Variants in FILIP1L observed in about 807,000 individuals in gnomAD.
The protein encoded by FILIP1L is filamin A interacting protein 1 like, also known as filamin A-interacting protein 1-like.
In FILIP1L, 55 loss-of-function variants were observed where a neutral mutation model predicts 96.6. That is an observed-to-expected ratio of 0.57 (90% CI 0.46 to 0.71). The LOEUF (loss-of-function observed/expected upper bound fraction) is 0.71. FILIP1L is among the 30% of genes least tolerant of loss of function. FILIP1L has a pLI of 0.00. For missense variants in FILIP1L, 1,304 were observed against 1,321.2 expected (o/e 0.99, Z 0.20); for synonymous variants, 467 against 473.9 (o/e 0.99, Z 0.19).
At position 100,070,868 on chromosome 3, in the gene FILIP1L, C is replaced by T. The variant is rs372369155; in HGVS notation, c.-11+43185G>A. ...ATATTCACGAACTCCTGACTTCAGG[C>T]GATCTGCCTGCCTTGACCTCCCAAA... On this transcript the variant is annotated intron_variant, in intron 1 of 5. Coordinates refer to ENST00000477258, the MANE Select transcript of FILIP1L (RefSeq NM_001387850.1). Among the ~76,000 whole-genome samples the T allele has an allele frequency of 3.3e-5, 5 of 152,230 alleles. No homozygotes were observed. The East Asian group carries it at 7.7e-4, about 24-fold the overall frequency.
At chr3:99,912,575 G>T (rs892636439) in intron 4 of FILIP1L, among the ~76,000 whole-genome samples, 9 of 152,082 alleles carry the variant, frequency 5.9e-5, no homozygotes, top group Non-Finnish European at 1.3e-4. Context: ...ATGAAGTTTT[G>T]CCATGTTGCC....
intron 4 of FILIP1L, among the ~76,000 whole-genome samples, chr3:99,862,787 A>G (rs886760707): frequency 2.0e-5 from 3 of 152,060 alleles, no homozygotes; most frequent in African/African-American, 7.2e-5. Flanking sequence ...CTGCTACTCA[A>G]ATGTATTTGG....
rs149566268 is a variant in FILIP1L at position 100,020,078 on chromosome 3, T to C, written c.-10-89048A>G. On this transcript the variant is annotated intron_variant, in intron 1 of 5. Transcript: ENST00000477258. ...TCTTGTTCCCTGGAAAGCCTTACTA[T>C]AATCCAGAACTTTGCTAGCATATCA... Among the ~76,000 whole-genome samples the C allele has an allele frequency of 7.3e-3, 1,119 of 152,306 alleles. 19 individuals are homozygous for C. Among genetic ancestry groups the C allele is most frequent in the African/African-American group, 0.025 (1,029 of 41,572 alleles).
chr3:100,095,112 CAGTACAT>C (rs1313656592), intron 1 of FILIP1L, among the ~76,000 whole-genome samples: 4 of 152,118 alleles, frequency 2.6e-5, no homozygotes, highest in African/African-American at 9.7e-5. Flanking sequence ...ATCCCTTTAC[CAGTACAT>C]ACAGTCTTGA....
At chr3:99,880,035 A>G (rs1258157690) in intron 4 of FILIP1L, among the ~76,000 whole-genome samples, 1 of 152,106 alleles carries the variant, frequency 6.6e-6, no homozygotes, top group Admixed American at 6.5e-5. Context: ...TGAGCACTGG[A>G]TAACCTTGCC....
intron 1 of FILIP1L, among the ~76,000 whole-genome samples, chr3:100,018,522 A>G (rs1006419711): frequency 1.3e-5 from 2 of 152,114 alleles, no homozygotes; most frequent in African/African-American, 4.8e-5. Flanking sequence ...ATGAAATTTG[A>G]CCTTTATCTC....
rs2107482618 is a variant in FILIP1L, at chr3:99,830,109, T to A, written c.*305A>T. On this transcript the variant is annotated 3_prime_UTR_variant, in exon 6 of 6. Transcript: ENST00000477258. ...TCACCAGAAAACTCTTGAACTGTTC[T>A]AGTGAATTCAGTCCTATCCCAGGCT... is the stretch of plus-strand genomic sequence containing the variant. The A allele has an allele frequency of 5.7e-6, 1 of 174,618 alleles. No homozygotes were observed. Among genetic ancestry groups the A allele is most frequent in the East Asian group, 1.4e-4 (1 of 6,906 alleles). The allele number at this position is 174,618 out of a possible 1,614,324, so 10.8% of individuals were successfully genotyped here.
intron 1 of FILIP1L, among the ~76,000 whole-genome samples, chr3:99,969,950 A>G (rs1405240966): frequency 2.6e-5 from 4 of 152,250 alleles, no homozygotes; most frequent in African/African-American, 9.6e-5. Context: ...GGATAATATG[A>G]AATTCAACAA....
At chr3:99,900,608 A>G (rs2107625972) in intron 4 of FILIP1L, among the ~76,000 whole-genome samples, 1 of 152,346 alleles carries the variant, frequency 6.6e-6, no homozygotes, top group South Asian at 2.1e-4. Context: ...TATTTGTTCC[A>G]ACCATTTCTT....
chr3:100,022,151 T>C (rs1443792502), intron 1 of FILIP1L, among the ~76,000 whole-genome samples: 1 of 152,180 alleles, frequency 6.6e-6, no homozygotes, highest in Non-Finnish European at 1.5e-5. Flanking sequence ...AGAAATGATA[T>C]TAGAATAATG....
chr3:99,845,670 T>G (rs1943332361), intron 5 of FILIP1L, among the ~76,000 whole-genome samples: 1 of 152,176 alleles, frequency 6.6e-6, no homozygotes, highest in African/African-American at 2.4e-5. Context: ...TTTTCAAAAT[T>G]AAAGGCCAGA....
chr3:99,888,278 A>C (rs1374031136), intron 4 of FILIP1L, among the ~76,000 whole-genome samples: 1 of 152,010 alleles, frequency 6.6e-6, no homozygotes, highest in Non-Finnish European at 1.5e-5. Context: ...AGGTGGGAGG[A>C]TCACTTGAAC....
intron 3 of FILIP1L, among the ~76,000 whole-genome samples, chr3:99,927,185 C>CT (rs1463120517): frequency 6.6e-6 from 1 of 152,204 alleles, no homozygotes; most frequent in Non-Finnish European, 1.5e-5. Flanking sequence ...TTCACCAAAA[C>CT]TTTCCCTATA....
intron 1 of FILIP1L, among the ~76,000 whole-genome samples, chr3:99,953,245 T>G (rs550710481): frequency 1.3e-5 from 2 of 152,356 alleles, no homozygotes; most frequent in African/African-American, 4.8e-5. Flanking sequence ...TTGGTTAAGC[T>G]ATAACCAATC....
In FILIP1L at chr3:99,901,011, G is replaced by C. The variant is rs147702065; in HGVS notation, c.605+23219C>G. Among the ~76,000 whole-genome samples, 429 of 152,330 alleles carry C rather than the reference G, an allele frequency of 2.8e-3. 2 individuals are homozygous for C. The highest frequency in any genetic ancestry group is 0.01 in the Middle Eastern group (3 of 294). Reference sequence around the variant, plus strand: ...AAGCCAGTTTGCTTTGCTTCTTATTGATAATTATGAAGGCAGGCAGGGAAT... The same window carrying C: ...AAGCCAGTTTGCTTTGCTTCTTATTCATAATTATGAAGGCAGGCAGGGAAT... On this transcript the variant is annotated intron_variant, in intron 4 of 5. Coordinates refer to ENST00000477258, the MANE Select transcript of FILIP1L (RefSeq NM_001387850.1).
chr3:100,023,693 C>A (rs543920686), intron 1 of FILIP1L, among the ~76,000 whole-genome samples: 1 of 152,128 alleles, frequency 6.6e-6, no homozygotes, highest in African/African-American at 2.4e-5. Context: ...CTCATATAAA[C>A]CATGATGTAT....
rs943399806 is a variant in FILIP1L, at chr3:100,114,451, C to T, written c.-409G>A. ...ACCCAAAAGCCAGGAACCATCTGCGCAGAGCAGACAAGTAGAGGCAGGCAC... is the reference window on the plus strand; with the variant it reads ...ACCCAAAAGCCAGGAACCATCTGCGTAGAGCAGACAAGTAGAGGCAGGCAC... On this transcript the variant is annotated 5_prime_UTR_variant, in exon 1 of 6. Coordinates refer to ENST00000477258, the MANE Select transcript of FILIP1L (RefSeq NM_001387850.1). 1.3e-5 allele frequency: 2 copies of T among 153,766 alleles called. No individual in the cohort carries two copies. Among genetic ancestry groups the T allele is most frequent in the East Asian group, 3.8e-4 (2 of 5,236 alleles). 9.5% of individuals were successfully genotyped at this position (153,766 alleles called of 1,614,324 possible). A position where few individuals can be genotyped will look rare whatever the true frequency, so the allele number is the denominator to read the frequency against.
At chr3:99,885,645 T>C (rs1705868915) in intron 4 of FILIP1L, among the ~76,000 whole-genome samples, 1 of 152,196 alleles carries the variant, frequency 6.6e-6, no homozygotes, top group Non-Finnish European at 1.5e-5. Flanking sequence ...CTGACTGACT[T>C]TTAGTTAAAA....
chr3:100,050,658 G>A (rs1316172596), intron 1 of FILIP1L, among the ~76,000 whole-genome samples: 2 of 152,156 alleles, frequency 1.3e-5, no homozygotes, highest in Non-Finnish European at 2.9e-5. Flanking sequence ...CAGCCTCCAA[G>A]TAGCTGGGAT....
Sources: allele counts gnomAD v4.1 joint callset (sites outside exome capture counted in the v4.1 genomes callset), GRCh38; gene constraint gnomAD v4.1.1; transcripts MANE v1.5; gene names NCBI Gene and HGNC (gene_info 2026-07-23, HGNC 2026-07-21).